ST8SIA5: variants seen among roughly 807,000 people sequenced by gnomAD.
ST8SIA5 encodes the protein alpha-2,8-sialyltransferase 8E.
In ST8SIA5, 24 loss-of-function variants were observed where a neutral mutation model predicts 40.2. That is an observed-to-expected ratio of 0.60 (90% CI 0.43 to 0.84). The LOEUF is 0.84. Ranked by LOEUF, ST8SIA5 falls within the 40% of genes least tolerant of loss-of-function variation. The pLI is 0.00. For missense variants in ST8SIA5, 465 were observed against 498.5 expected (o/e 0.93, Z 0.64); for synonymous variants, 198 against 201.8 (o/e 0.98, Z 0.16).
chr18:46,738,929 G>A (rs992800530), intron 1 of ST8SIA5, among the ~76,000 whole-genome samples: 1 of 152,160 alleles, frequency 6.6e-6, no homozygotes, highest in African/African-American at 2.4e-5. Flanking sequence ...CCAGCTTTTT[G>A]CCCTGAAGGT....
chr18:46,720,563 G>C (rs1365377196), intron 1 of ST8SIA5, among the ~76,000 whole-genome samples: 3 of 152,160 alleles, frequency 2.0e-5, no homozygotes, highest in Non-Finnish European at 2.9e-5. Flanking sequence ...ATGTTTGTGT[G>C]TCAAAATCAC....
chr18:46,673,009 G>C lies in ST8SIA5; in HGVS notation c.*7033C>G, dbSNP rs1253986760. 1 of 152,164 alleles carries C rather than the reference G, an allele frequency of 6.6e-6. No homozygotes were observed. Among genetic ancestry groups the C allele is most frequent in the Non-Finnish European group, 1.5e-5 (1 of 68,028 alleles). The allele number at this position is 152,164 out of a possible 1,614,324, so 9.4% of individuals were successfully genotyped here. On this transcript the variant is annotated 3_prime_UTR_variant, in exon 7 of 7. Coordinates refer to ENST00000315087, the MANE Select transcript of ST8SIA5 (RefSeq NM_013305.6). Reference sequence around the variant, plus strand: ...ATTATATGATTCTACTTATATGAGGGACCTAGAGCAGTAAAATTCATAGAG... The same window carrying C: ...ATTATATGATTCTACTTATATGAGGCACCTAGAGCAGTAAAATTCATAGAG...
At chr18:46,709,620 G>GT (rs1454116304) in intron 1 of ST8SIA5, among the ~76,000 whole-genome samples, 2 of 152,100 alleles carry the variant, frequency 1.3e-5, no homozygotes, top group African/African-American at 4.8e-5. Flanking sequence ...GTTGCTTAAA[G>GT]TTTTTTTGTC....
Position 46,743,408 on chromosome 18 carries a change from C to T in ST8SIA5, c.131+12970G>A, listed in dbSNP as rs933097426. ...GCTGAAAACTATGGTACAAGAACTT[C>T]GTGATGCATGCACAAGCTTCAATAG... On this transcript the variant is annotated intron_variant, in intron 1 of 6. Transcript: ENST00000315087. Among the ~76,000 whole-genome samples, 5 of 152,094 alleles carry T rather than the reference C, an allele frequency of 3.3e-5. No individual in the cohort carries two copies. The East Asian group carries it at 5.8e-4, about 18-fold the overall frequency.
In ST8SIA5 at chr18:46,680,477, G is replaced by A. The variant is rs1204643744; in HGVS notation, c.696C>T (p.Phe232=). 6 of 1,594,386 alleles carry A rather than the reference G, an allele frequency of 3.8e-6. No individual in the cohort carries two copies. The highest frequency in any genetic ancestry group is 2.7e-5 in the African/African-American group (2 of 74,532). Residue 232 remains phenylalanine, a synonymous_variant, in exon 7 of 7, where the codon TTC becomes TTT. Coordinates refer to ENST00000315087, the MANE Select transcript of ST8SIA5 (RefSeq NM_013305.6). ...TCTCGTACACCTGCAGCACGCGATA[G>A]AACGGCCGCCGCCACTTCTCCAGCT... The part of the protein sequence containing the change: ...FHKLEKWRRP[F]YRVLQVYENA...
At chr18:46,735,922 T>C (rs1230919633) in intron 1 of ST8SIA5, among the ~76,000 whole-genome samples, 1 of 152,174 alleles carries the variant, frequency 6.6e-6, no homozygotes, top group Non-Finnish European at 1.5e-5. Flanking sequence ...CATGATATTG[T>C]ACTATATTGT....
At chr18:46,690,940 C>T (rs1440617452) in intron 3 of ST8SIA5, among the ~76,000 whole-genome samples, 3 of 152,178 alleles carry the variant, frequency 2.0e-5, no homozygotes, top group Non-Finnish European at 4.4e-5. Context: ...CTATTCTGCC[C>T]TAAGTCTGGA....
chr18:46,704,536 ATG>A, intron 2 of ST8SIA5, 34 bp downstream of exon 2: 1 of 1,533,754 alleles, frequency 6.5e-7, no homozygotes, highest in Non-Finnish European at 8.9e-7. Context: ...CCACCTCCAC[ATG>A]CTCCCTGCAC....
At chr18:46,702,159 A>C (rs2039624431) in intron 2 of ST8SIA5, among the ~76,000 whole-genome samples, 4 of 151,628 alleles carry the variant, frequency 2.6e-5, no homozygotes, top group Non-Finnish European at 4.4e-5. Flanking sequence ...AAAAAAAAAA[A>C]AAACAGAAAT....
intron 1 of ST8SIA5, among the ~76,000 whole-genome samples, chr18:46,714,490 C>T (rs1003933284): frequency 2.0e-5 from 3 of 152,158 alleles, no homozygotes; most frequent in African/African-American, 7.2e-5. Flanking sequence ...AAGGGAGGAA[C>T]GGAGTCTGGG....
chr18:46,740,224 C>T (rs966161841), intron 1 of ST8SIA5, among the ~76,000 whole-genome samples: 6 of 152,116 alleles, frequency 3.9e-5, no homozygotes, highest in African/African-American at 1.4e-4. Context: ...ATTCGTCAGC[C>T]AATCTCGGTG....
chr18:46,756,584 GGC>G lies in ST8SIA5; in HGVS notation c.-78_-77del. 1 of 1,501,414 alleles carries G rather than the reference GGC, an allele frequency of 6.7e-7. No individual in the cohort carries two copies. Among genetic ancestry groups the G allele is most frequent in the Non-Finnish European group, 8.9e-7 (1 of 1,124,512 alleles). The allele number at this position is 1,501,414 out of a possible 1,614,324, so 93.0% of individuals were successfully genotyped here. On this transcript the variant is annotated 5_prime_UTR_variant, in exon 1 of 7. Transcript: ENST00000315087. ...CTCGCGGGGTTCCGGGGCCCCGGGGGGCGCGCGGCCGACTTGGCGCCTCACGG... is the reference window on the plus strand; with the variant it reads ...CTCGCGGGGTTCCGGGGCCCCGGGGGGCGCGGCCGACTTGGCGCCTCACGG...
intron 1 of ST8SIA5, among the ~76,000 whole-genome samples, chr18:46,733,513 A>T (rs184764427): frequency 4.6e-5 from 7 of 152,154 alleles, no homozygotes; most frequent in Non-Finnish European, 8.8e-5. Flanking sequence ...CTTAATTTCT[A>T]CCAGAGGGAG....
At chr18:46,711,405 C>T (rs2039730697) in intron 1 of ST8SIA5, among the ~76,000 whole-genome samples, 1 of 152,188 alleles carries the variant, frequency 6.6e-6, no homozygotes, top group Non-Finnish European at 1.5e-5. Flanking sequence ...CAAGGTCATT[C>T]AGCTAGTAAA....
At chr18:46,693,173 A>G (rs2039524771) in intron 2 of ST8SIA5, among the ~76,000 whole-genome samples, 1 of 150,870 alleles carries the variant, frequency 6.6e-6, no homozygotes, top group African/African-American at 2.4e-5. Context: ...GTACCTGATT[A>G]AAACAAATCC....
At chr18:46,693,353 C>G (rs1304917575) in intron 2 of ST8SIA5, among the ~76,000 whole-genome samples, 1 of 152,202 alleles carries the variant, frequency 6.6e-6, no homozygotes, top group Non-Finnish European at 1.5e-5. Context: ...CCTTCTCTTT[C>G]TCCCTTCTCA....
chr18:46,750,657 G>A (rs1188004066), intron 1 of ST8SIA5, among the ~76,000 whole-genome samples: 2 of 152,036 alleles, frequency 1.3e-5, no homozygotes, highest in Non-Finnish European at 2.9e-5. Context: ...GCCACAGTTG[G>A]CCACTCTCAC....
intron 1 of ST8SIA5, among the ~76,000 whole-genome samples, chr18:46,710,407 C>CTTTCT (rs1555695711): frequency 7.7e-5 from 9 of 116,222 alleles, no homozygotes; most frequent in African/African-American, 2.8e-4. Flanking sequence ...TTCTTTCTTT[C>CTTTCT]TTTCTTTCTT....
intron 1 of ST8SIA5, 104 bp downstream of exon 1, chr18:46,756,274 G>A: frequency 6.7e-7 from 1 of 1,491,126 alleles, no homozygotes; most frequent in Non-Finnish European, 9.0e-7. Context: ...GGACCCCACG[G>A]CCACTCACCC....
Sources: allele counts gnomAD v4.1 joint callset (sites outside exome capture counted in the v4.1 genomes callset), GRCh38; gene constraint gnomAD v4.1.1; transcripts MANE v1.5; gene names NCBI Gene and HGNC (gene_info 2026-07-23, HGNC 2026-07-21).